Variants in PIGL observed in about 807,000 individuals in gnomAD.
The protein encoded by PIGL is phosphatidylinositol glycan anchor biosynthesis class L, also known as N-acetylglucosaminyl-phosphatidylinositol de-N-acetylase.
In PIGL, 22 loss-of-function variants were observed where a neutral mutation model predicts 31.1. That is an observed-to-expected ratio of 0.71 (90% confidence interval 0.51 to 1.01). The LOEUF (loss-of-function observed/expected upper bound fraction) is 1.01. PIGL is among the 50% of genes least tolerant of loss of function. PIGL has a pLI of 0.00. For synonymous variants in PIGL, 131 were observed against 117.4 expected (o/e 1.12, Z -0.75); for missense variants, 302 against 315.9 (o/e 0.96, Z 0.33).
At position 16,317,215 on chromosome 17, in the gene PIGL, T is replaced by C. The variant is rs1427212234; in HGVS notation, c.526+503T>C. On this transcript the variant is annotated intron_variant, in intron 5 of 6. Transcript: ENST00000225609. The stretch of plus-strand genomic sequence containing the variant: ...CGGCGCAATACGAAGATTCAATGAA[T>C]GAAAACGTAAGTAGTTTGTGCCCTT... 3.0e-6 allele frequency: 3 copies of C among 1,005,364 alleles called. No homozygotes were observed. In the East Asian group the frequency reaches 2.8e-4, roughly 93 times the overall value. The allele number at this position is 1,005,364 out of a possible 1,614,324, so 62.3% of individuals were successfully genotyped here. A position where few individuals can be genotyped will look rare whatever the true frequency, so the allele number is the denominator to read the frequency against.
chr17:16,246,621 A>G (rs1452496032), intron 2 of PIGL, among the ~76,000 whole-genome samples: 1 of 151,360 alleles, frequency 6.6e-6, no homozygotes, highest in African/African-American at 2.4e-5. Flanking sequence ...GGCTTAAACA[A>G]TAGAAATTTA....
intron 2 of PIGL, among the ~76,000 whole-genome samples, chr17:16,295,402 CA>C (rs60864452): frequency 0.033 from 2,410 of 72,312 alleles, 51 homozygotes; most frequent in African/African-American, 0.085. Flanking sequence ...GACTCCGTCT[CA>C]AAAAAAAAAA....
At chr17:16,246,520 A>T (rs1362476815) in intron 2 of PIGL, among the ~76,000 whole-genome samples, 1 of 151,852 alleles carries the variant, frequency 6.6e-6, no homozygotes, top group Non-Finnish European at 1.5e-5. Context: ...CAAAAAAAAA[A>T]AGTAAATACT....
intron 2 of PIGL, among the ~76,000 whole-genome samples, chr17:16,264,000 C>A (rs1027176083): frequency 7.3e-6 from 1 of 136,432 alleles, no homozygotes; most frequent in African/African-American, 2.8e-5. Flanking sequence ...CCCACCACCA[C>A]TCCTGGCTGA....
At chr17:16,243,946 G>A (rs748426397) in intron 2 of PIGL, among the ~76,000 whole-genome samples, 1 of 152,226 alleles carries the variant, frequency 6.6e-6, no homozygotes, top group Admixed American at 6.5e-5. Context: ...TAAGCATAAT[G>A]TGGTGGGTGG....
At chr17:16,239,208 G>T (rs548826333) in intron 2 of PIGL, among the ~76,000 whole-genome samples, 11 of 151,714 alleles carry the variant, frequency 7.3e-5, no homozygotes, top group African/African-American at 1.2e-4. Context: ...TTTTGGGCCA[G>T]CCGGGTGGCT....
chr17:16,299,568 A>C (rs1447600600), intron 2 of PIGL, among the ~76,000 whole-genome samples: 1 of 152,236 alleles, frequency 6.6e-6, no homozygotes, highest in Non-Finnish European at 1.5e-5. Context: ...TAAAGTGCAT[A>C]TCATCATGCC....
chr17:16,283,703 G>C (rs1038684489), intron 2 of PIGL, among the ~76,000 whole-genome samples: 5 of 152,160 alleles, frequency 3.3e-5, no homozygotes, highest in Non-Finnish European at 7.3e-5. Flanking sequence ...CAATTGAATA[G>C]TGTGAAGATT....
intron 2 of PIGL, chr17:16,282,048 A>G (rs1441074066): frequency 1.9e-6 from 1 of 520,308 alleles, no homozygotes; most frequent in Non-Finnish European, 4.0e-6. Flanking sequence ...ACTGTAACTC[A>G]CCATAGTGGT....
At chr17:16,256,710 T>C (rs1047987245) in intron 2 of PIGL, among the ~76,000 whole-genome samples, 2 of 151,496 alleles carry the variant, frequency 1.3e-5, no homozygotes, top group Non-Finnish European at 1.5e-5. Flanking sequence ...TGTTTGTTTG[T>C]TTGTTTTTGA....
intron 2 of PIGL, among the ~76,000 whole-genome samples, chr17:16,246,385 A>G (rs1343005397): frequency 6.6e-6 from 1 of 151,106 alleles, no homozygotes; most frequent in Non-Finnish European, 1.5e-5. Context: ...GGTGGTGCAC[A>G]CCTGTAGTCC....
At chr17:16,275,827 C>A (rs1240782717) in intron 2 of PIGL, among the ~76,000 whole-genome samples, 1 of 152,056 alleles carries the variant, frequency 6.6e-6, no homozygotes, top group African/African-American at 2.4e-5. Context: ...AGCTCAAGAC[C>A]AGCCTGGGCA....
chr17:16,299,802 T>C (rs1448634261), intron 2 of PIGL, 86 bp from the exon 3 acceptor site: 1 of 926,556 alleles, frequency 1.1e-6, no homozygotes, highest in Non-Finnish European at 1.8e-6. Flanking sequence ...GTAACTATCA[T>C]AAAACTGGGC....
At chr17:16,220,778 G>A (rs191772041) in intron 1 of PIGL, among the ~76,000 whole-genome samples, 5 of 152,046 alleles carry the variant, frequency 3.3e-5, no homozygotes, top group Admixed American at 1.3e-4. Flanking sequence ...GTGAGCCACC[G>A]CGCCCAGCCA....
intron 6 of PIGL, among the ~76,000 whole-genome samples, chr17:16,321,344 G>T (rs1005640633): frequency 7.3e-5 from 11 of 150,402 alleles, no homozygotes; most frequent in African/African-American, 2.5e-4. Flanking sequence ...GGGTTCAAGT[G>T]ATTTTTCTGC....
chr17:16,314,292 A>G (rs755578820), intron 4 of PIGL, among the ~76,000 whole-genome samples: 1 of 152,202 alleles, frequency 6.6e-6, no homozygotes, highest in Non-Finnish European at 1.5e-5. Flanking sequence ...GAGGAAGGAA[A>G]GAAGCAACTT....
At chr17:16,267,393 T>C (rs2092848926) in intron 2 of PIGL, among the ~76,000 whole-genome samples, 1 of 151,688 alleles carries the variant, frequency 6.6e-6, no homozygotes, top group Non-Finnish European at 1.5e-5. Context: ...GTGGAGGAAG[T>C]GGATGGGAAG....
chr17:16,250,056 G>T (rs2092764307), intron 2 of PIGL, among the ~76,000 whole-genome samples: 1 of 152,108 alleles, frequency 6.6e-6, no homozygotes, highest in African/African-American at 2.4e-5. Context: ...AAATGATTCT[G>T]CTGCCTCAGC....
intron 2 of PIGL, among the ~76,000 whole-genome samples, chr17:16,281,476 A>G (rs2092916407): frequency 6.6e-6 from 1 of 152,238 alleles, no homozygotes; most frequent in Admixed American, 6.5e-5. Flanking sequence ...TTGCAAAGCC[A>G]GATGCAACAT....
Sources: allele counts gnomAD v4.1 joint callset (sites outside exome capture counted in the v4.1 genomes callset), GRCh38; gene constraint gnomAD v4.1.1; transcripts MANE v1.5; gene names NCBI Gene and HGNC (gene_info 2026-07-23, HGNC 2026-07-21).